Variants in SCUBE2 observed in about 807,000 individuals in gnomAD.
SCUBE2 encodes the protein signal peptide, CUB and EGF-like domain-containing protein 2.
SCUBE2 carries 114 observed loss-of-function variants against 125.9 expected under a neutral mutation model. The ratio of observed to expected loss-of-function variants is 0.91; its 90% CI spans 0.78 to 1.06. The LOEUF is 1.06. Among genes scored for constraint, SCUBE2 ranks in the 50% least tolerant of loss-of-function variants. The pLI is 0.00. For synonymous variants in SCUBE2, 459 were observed against 492.9 expected (o/e 0.93, Z 0.91); for missense variants, 1,255 against 1,301.8 (o/e 0.96, Z 0.55).
At chr11:9,055,564 C>G (rs1008959236) in intron 10 of SCUBE2, among the ~76,000 whole-genome samples, 1 of 152,224 alleles carries the variant, frequency 6.6e-6, no homozygotes, top group South Asian at 2.1e-4. Flanking sequence ...TGGAAGAGCT[C>G]AGTTCTTCTC....
intron 10 of SCUBE2, among the ~76,000 whole-genome samples, chr11:9,053,990 C>CTTT (rs11474890): frequency 1.3e-3 from 100 of 75,038 alleles, no homozygotes; most frequent in African/African-American, 4.7e-3. Context: ...AAGCTCCACT[C>CTTT]TTTTTTTTTT....
At chr11:9,090,490 T>TTA (rs2136050178) in intron 1 of SCUBE2, 1 of 76,718 alleles carries the variant, frequency 1.3e-5, no homozygotes, top group South Asian at 4.0e-4. Context: ...TATTTATTTA[T>TTA]TTTTTTTTTT....
chr11:9,048,882 A>G (rs1007055780), intron 14 of SCUBE2, among the ~76,000 whole-genome samples: 42 of 152,170 alleles, frequency 2.8e-4, no homozygotes, highest in Non-Finnish European at 1.5e-5. Flanking sequence ...CTTCTTTAAC[A>G]TTACAAGGAC....
rs1136966 is a variant in SCUBE2 at position 9,020,784 on chromosome 11, G to T, written c.*261C>A. ...GACCAAAGTCCAGCTCAGCCAGCCC[G>T]TGATCTATCCAAGACATCCGCCCAC... is the stretch of plus-strand genomic sequence containing the variant. On this transcript the variant is annotated 3_prime_UTR_variant, in exon 23 of 23. Transcript: ENST00000649792. 227,700 of 299,716 alleles carry T rather than the reference G, an allele frequency of 0.76. 87,474 individuals carry two copies. Among genetic ancestry groups the T allele is most frequent in the East Asian group, 1 (16,742 of 16,756 alleles). The allele number at this position is 299,716 out of a possible 1,614,324, so 18.6% of individuals were successfully genotyped here.
At chr11:9,086,695 A>G (rs1031784027) in intron 2 of SCUBE2, among the ~76,000 whole-genome samples, 2 of 152,120 alleles carry the variant, frequency 1.3e-5, no homozygotes, top group Non-Finnish European at 2.9e-5. Flanking sequence ...TCTACTAAAA[A>G]TACAAAAATT....
At chr11:9,057,585 C>G (rs1019397027) in intron 9 of SCUBE2, 2 of 140,796 alleles carry the variant, frequency 1.4e-5, no homozygotes, top group African/African-American at 5.4e-5. Context: ...TGGGCATGAT[C>G]TCGACTTACT....
chr11:9,026,046 G>A, intron 20 of SCUBE2, 192 bp from the exon 21 acceptor site: 1 of 571,068 alleles, frequency 1.8e-6, no homozygotes. Context: ...TGGACCCCCA[G>A]GGGAGGCTAC....
chr11:9,029,919 T>C lies in SCUBE2; in HGVS notation c.2468A>G (p.Asp823Gly). ...CVSCPGNTTTDFDGSTNITQC... is the reference protein window; with the variant it reads ...CVSCPGNTTTGFDGSTNITQC... ...GGTTATGTTTGTGGAGCCATCAAAG[T>C]CAGTCGTAGTATTTCCTGGGCAAGA... The change falls in exon 19 of 23, where the codon GAC (aspartate) becomes GGC (glycine). Residue 823 changes from aspartate to glycine, a missense_variant. Asp to Gly is a moderately conservative substitution (Grantham distance 94). Coordinates refer to ENST00000649792, the MANE Select transcript of SCUBE2 (RefSeq NM_001367977.2). 6.2e-7 allele frequency: 1 copy of C among 1,614,194 alleles called. No individual in the cohort carries two copies. Among genetic ancestry groups the C allele is most frequent in the Non-Finnish European group, 8.5e-7 (1 of 1,180,030 alleles).
intron 18 of SCUBE2, 61 bp downstream of exon 18, chr11:9,030,697 C>T: frequency 1.3e-6 from 2 of 1,532,938 alleles, no homozygotes; most frequent in South Asian, 1.2e-5. Context: ...CCTCACGAGA[C>T]TCCCATGATA....
intron 19 of SCUBE2, 89 bp downstream of exon 19, chr11:9,029,795 G>T: frequency 7.1e-7 from 1 of 1,408,214 alleles, no homozygotes; most frequent in Non-Finnish European, 9.9e-7. Context: ...GTGAACCTGG[G>T]ACCTCTGCCC....
chr11:9,062,447 A>C (rs951892788), intron 7 of SCUBE2, among the ~76,000 whole-genome samples: 4 of 152,234 alleles, frequency 2.6e-5, no homozygotes, highest in African/African-American at 9.6e-5. Flanking sequence ...TGAAGCCCAC[A>C]AATCAATAGA....
chr11:9,088,676 G>A (rs1175383665), intron 2 of SCUBE2, among the ~76,000 whole-genome samples: 1 of 152,146 alleles, frequency 6.6e-6, no homozygotes, highest in Non-Finnish European at 1.5e-5. Context: ...GAAGAGGAAG[G>A]GGCCACCAAC....
chr11:9,063,743 G>A (rs1002737958), intron 7 of SCUBE2, among the ~76,000 whole-genome samples: 1 of 152,248 alleles, frequency 6.6e-6, no homozygotes, highest in Non-Finnish European at 1.5e-5. Context: ...TGAATGCCCA[G>A]ATGAGAGACA....
Position 9,091,326 on chromosome 11 carries a change from G to T in SCUBE2, c.133+70C>A. 1 of 1,135,870 alleles carries T rather than the reference G, an allele frequency of 8.8e-7. No homozygotes were observed. The highest frequency in any genetic ancestry group is 1.1e-6 in the Non-Finnish European group (1 of 901,040). 70.4% of individuals were successfully genotyped at this position (1,135,870 alleles called of 1,614,324 possible). On this transcript the variant is annotated intron_variant, in intron 1 of 22. Coordinates refer to ENST00000649792, the MANE Select transcript of SCUBE2 (RefSeq NM_001367977.2). The surrounding 1 kb of genome is among the most constrained non-coding windows in gnomAD (Gnocchi z 8.5). ...CCCCGCGCGCCCGGCTCTGGACTCC[G>T]CCGGGGACCTAAACACTCTTCCTGG...
intron 7 of SCUBE2, among the ~76,000 whole-genome samples, chr11:9,065,354 G>A (rs1564834666): frequency 2.0e-5 from 3 of 152,108 alleles, no homozygotes; most frequent in Admixed American, 6.5e-5. Flanking sequence ...TTTTACAAGT[G>A]TTTGGTAGTT....
At chr11:9,045,229 T>C (rs1326949199) in intron 16 of SCUBE2, among the ~76,000 whole-genome samples, 1 of 152,122 alleles carries the variant, frequency 6.6e-6, no homozygotes. Context: ...ATAAAAACAG[T>C]TGTGGAAAAA....
At chr11:9,070,885 C>T (rs1860735882) in intron 4 of SCUBE2, among the ~76,000 whole-genome samples, 1 of 152,340 alleles carries the variant, frequency 6.6e-6, no homozygotes, top group Admixed American at 6.5e-5. Flanking sequence ...CAGTTATGAG[C>T]TGCCTGCACT....
chr11:9,036,614 A>C (rs1403325421), intron 16 of SCUBE2, among the ~76,000 whole-genome samples: 1 of 152,232 alleles, frequency 6.6e-6, no homozygotes, highest in Non-Finnish European at 1.5e-5. Context: ...AATGATTCCA[A>C]CAGCCCCATT....
Position 9,050,653 on chromosome 11 carries a change from A to G in SCUBE2, c.1592T>C (p.Leu531Ser). Reference protein sequence around the residue: ...TFKLNEGKCSLKNAELFPEGL... With the variant: ...TFKLNEGKCSSKNAELFPEGL... ...CTCGGGAAACAGCTCAGCATTTTTC[A>G]AACTACACTTGCCTTCATTTAGCTT... The change falls in exon 14 of 23, where the codon TTG (leucine) becomes TCG (serine). Residue 531 changes from leucine to serine, a missense_variant. Leu to Ser is a moderately radical substitution (Grantham distance 145). Transcript: ENST00000649792. 6.2e-7 allele frequency: 1 copy of G among 1,614,224 alleles called. No homozygotes were observed. Among genetic ancestry groups the G allele is most frequent in the African/African-American group, 1.3e-5 (1 of 75,054 alleles).
Sources: allele counts gnomAD v4.1 joint callset (sites outside exome capture counted in the v4.1 genomes callset), GRCh38; gene constraint gnomAD v4.1.1; non-coding constraint Gnocchi (gnomAD v3.1); transcripts MANE v1.5; gene names NCBI Gene and HGNC (gene_info 2026-07-23, HGNC 2026-07-21).